Variants in GLUL observed in about 807,000 individuals in gnomAD.
GLUL encodes the protein glutamine synthetase.
Under a neutral mutation model 36.9 loss-of-function variants are expected in GLUL, and 8 were observed. That is an observed-to-expected ratio of 0.22 (90% CI 0.13 to 0.39). The LOEUF is 0.39. Ranked by LOEUF, GLUL falls within the 10% of genes least tolerant of loss-of-function variation. The pLI is 1.00. For missense variants in GLUL, 315 were observed against 501.8 expected (o/e 0.63, Z 3.56); for synonymous variants, 182 against 172.8 (o/e 1.05, Z -0.42).
intron 3 of GLUL, chr1:182,386,643 G>A (rs1650195902): frequency 1.4e-5 from 8 of 569,456 alleles, no homozygotes; most frequent in South Asian, 1.4e-4. Context: ...TTACAACCAA[G>A]TCACATGGGA....
rs939371156 is a variant in GLUL at position 182,381,946 on chromosome 1, G to A, written c.*2459C>T. 1 of 152,196 alleles carries A rather than the reference G, an allele frequency of 6.6e-6. No homozygotes were observed. The highest frequency in any genetic ancestry group is 1.5e-5 in the Non-Finnish European group (1 of 68,044). 9.4% of individuals were successfully genotyped at this position (152,196 alleles called of 1,614,324 possible). Reference sequence around the variant, plus strand: ...GACCACGCCAGCAAGCTAATAGGTAGATGACTCTACTTTGAATATTAAATC... The same window carrying A: ...GACCACGCCAGCAAGCTAATAGGTAAATGACTCTACTTTGAATATTAAATC... On this transcript the variant is annotated 3_prime_UTR_variant, in exon 7 of 7. Transcript: ENST00000331872.
At chr1:182,391,463 C>T in intron 1 of GLUL, 1 of 375,072 alleles carries the variant, frequency 2.7e-6, no homozygotes. Flanking sequence ...AGGGCGCGCC[C>T]CACCAGCGCC....
At chr1:182,384,933 TC>T in intron 6 of GLUL, 1 of 604,418 alleles carries the variant, frequency 1.7e-6, no homozygotes, top group Non-Finnish European at 3.0e-6. Context: ...TGAAACTTTC[TC>T]CCCCTCATAA....
At position 182,387,108 on chromosome 1, in the gene GLUL, T is replaced by C. The variant is rs371858972; in HGVS notation, c.328+23A>G. 5 of 1,584,144 alleles carry C rather than the reference T, an allele frequency of 3.2e-6. No individual in the cohort carries two copies. The East Asian group carries it at 6.7e-5, about 21-fold the overall frequency. On this transcript the variant is annotated intron_variant, in intron 3 of 6. Coordinates refer to ENST00000331872, the MANE Select transcript of GLUL (RefSeq NM_001033044.4). Reference sequence around the variant, plus strand: ...AGCATTCACAGATTGAGGAGGGGTATCCATAGCTGTGCTATAACACACCTG... The same window carrying C: ...AGCATTCACAGATTGAGGAGGGGTACCCATAGCTGTGCTATAACACACCTG...
rs542295039 is a variant in GLUL, at chr1:182,386,335, G to A, written c.396C>T (p.Gly132=). The A allele has an allele frequency of 6.2e-7, 1 of 1,611,992 alleles. No individual in the cohort carries two copies. Among genetic ancestry groups the A allele is most frequent in the Non-Finnish European group, 8.5e-7 (1 of 1,178,018 alleles). ...DMVSNQHPWF[G]MEQEYTLMGT... ...CCATGAGGGTATACTCCTGCTCCAT[G>A]CCAAACCAGGGGTGCTGGTTGCTCA... Residue 132 remains glycine, a synonymous_variant, in exon 4 of 7, where the codon GGC becomes GGT. Transcript: ENST00000331872.
chr1:182,387,994 A>C (rs574047491), intron 2 of GLUL, among the ~76,000 whole-genome samples: 1 of 152,240 alleles, frequency 6.6e-6, no homozygotes, highest in South Asian at 2.1e-4. Flanking sequence ...GCCCCTTTCC[A>C]GAAGAGGGAA....
Position 182,384,321 on chromosome 1 carries a change from A to T in GLUL, c.*84T>A. ...ACCTTGATATTCCACCCTTTGAGTT[A>T]CAATCGGGACAACTGGGAGAGGGGG... On this transcript the variant is annotated 3_prime_UTR_variant, in exon 7 of 7. Coordinates refer to ENST00000331872, the MANE Select transcript of GLUL (RefSeq NM_001033044.4). 2 of 933,692 alleles carry T rather than the reference A, an allele frequency of 2.1e-6. No homozygotes were observed. The highest frequency in any genetic ancestry group is 3.5e-6 in the Non-Finnish European group (2 of 577,118). The allele number at this position is 933,692 out of a possible 1,614,324, so 57.8% of individuals were successfully genotyped here.
intron 1 of GLUL, chr1:182,390,815 GCTTTCTTCGTGGA>G: frequency 2.5e-6 from 1 of 398,944 alleles, no homozygotes; most frequent in Non-Finnish European, 4.4e-6. Context: ...TTCATTCGTT[GCTTTCTTCGTGGA>G]CTTGCGGCTG....
intron 4 of GLUL, 73 bp downstream of exon 4, chr1:182,386,183 C>T (rs1021909337): frequency 7.1e-7 from 1 of 1,409,686 alleles, no homozygotes; most frequent in African/African-American, 1.4e-5. Flanking sequence ...AAGTCATTCC[C>T]ATCCCTGGGA....
chr1:182,386,108 TTTTGGAC>T, intron 4 of GLUL, 141 bp downstream of exon 4: 1 of 918,034 alleles, frequency 1.1e-6, no homozygotes, highest in Non-Finnish European at 1.8e-6. Context: ...TCATATCCAT[TTTTGGAC>T]TTTGGTGATG....
chr1:182,388,868 T>C (rs1650292567), intron 1 of GLUL, 118 bp from the exon 2 acceptor site: 2 of 794,252 alleles, frequency 2.5e-6, no homozygotes, highest in Admixed American at 1.9e-5. Flanking sequence ...ACTCCTTCCC[T>C]TGTGGAAGTC....
chr1:182,380,385 G>A lies in GLUL; in HGVS notation c.*4020C>T, dbSNP rs186103526. On this transcript the variant is annotated 3_prime_UTR_variant, in exon 7 of 7. Coordinates refer to ENST00000331872, the MANE Select transcript of GLUL (RefSeq NM_001033044.4). ...TGCAGTGGTGCAATCACAATTCACT[G>A]CAGCTTCAATTTCCTGGGCTCAAGT... is the stretch of plus-strand genomic sequence containing the variant. 3.3e-5 allele frequency among the ~76,000 whole-genome samples: 5 copies of A among 152,312 alleles called. No homozygotes were observed. Among genetic ancestry groups the A allele is most frequent in the African/African-American group, 1.2e-4 (5 of 41,562 alleles).
chr1:182,378,892 C>T lies in GLUL; in HGVS notation c.*5513G>A, dbSNP rs572843656. ...TCTTGGGCTCAAGCGATTCTCCTGC[C>T]TCAGCCTGCCACTCGGCAGGGTGGG... On this transcript the variant is annotated 3_prime_UTR_variant, in exon 7 of 7. Coordinates refer to ENST00000331872, the MANE Select transcript of GLUL (RefSeq NM_001033044.4). Among the ~76,000 whole-genome samples, 9 of 152,256 alleles carry T rather than the reference C, an allele frequency of 5.9e-5. No individual in the cohort carries two copies. In the South Asian group the frequency reaches 1.2e-3, roughly 21 times the overall value.
intron 2 of GLUL, 103 bp downstream of exon 2, chr1:182,388,469 A>G (rs1650270125): frequency 2.9e-6 from 3 of 1,032,066 alleles, no homozygotes; most frequent in Non-Finnish European, 4.6e-6. Flanking sequence ...AAACCTTTAC[A>G]AACAGAAGAA....
At position 182,382,360 on chromosome 1, in the gene GLUL, G is replaced by GAGCT. The variant is rs1465792021; in HGVS notation, c.*2041_*2044dup. The GAGCT allele has an allele frequency of 6.6e-6, 1 of 152,228 alleles. No individual in the cohort carries two copies. Among genetic ancestry groups the GAGCT allele is most frequent in the Non-Finnish European group, 1.5e-5 (1 of 68,076 alleles). 9.4% of individuals were successfully genotyped at this position (152,228 alleles called of 1,614,324 possible). A position where few individuals can be genotyped will look rare whatever the true frequency, so the allele number is the denominator to read the frequency against. Reference sequence around the variant, plus strand: ...GGGCAAGGGCACAGGTGACAACACAGAGCTTTTGAGAATCACAATCGGTCC... The same window carrying GAGCT: ...GGGCAAGGGCACAGGTGACAACACAGAGCTAGCTTTTGAGAATCACAATCGGTCC... On this transcript the variant is annotated 3_prime_UTR_variant, in exon 7 of 7. Coordinates refer to ENST00000331872, the MANE Select transcript of GLUL (RefSeq NM_001033044.4).
rs1236720074 is a variant in GLUL, at chr1:182,378,912, G to A, written c.*5493C>T. On this transcript the variant is annotated 3_prime_UTR_variant, in exon 7 of 7. Transcript: ENST00000331872. ...CCTGCCTCAGCCTGCCACTCGGCAG[G>A]GTGGGATTACAGGTGCTCACCACCA... Among the ~76,000 whole-genome samples the A allele has an allele frequency of 1.3e-5, 2 of 152,008 alleles. No homozygotes were observed. The highest frequency in any genetic ancestry group is 2.9e-5 in the Non-Finnish European group (2 of 68,012).
Position 182,385,795 on chromosome 1 carries a change from T to A in GLUL, c.568A>T (p.Ile190Phe). 6.2e-7 allele frequency: 1 copy of A among 1,614,142 alleles called. No individual in the cohort carries two copies. The highest frequency in any genetic ancestry group is 1.1e-5 in the South Asian group (1 of 91,088). ...YRACLYAGVK[I>F]AGTNAEVMPA... The stretch of plus-strand genomic sequence containing the variant: ...ATGACCTCGGCATTAGTCCCCGCAA[T>A]CTTGACTCCAGCATACAAGCAGGCC... The change falls in exon 5 of 7, where the codon ATT (isoleucine) becomes TTT (phenylalanine). Residue 190 changes from isoleucine to phenylalanine, a missense_variant. Physicochemically the swap from Ile to Phe is conservative, Grantham distance 21. Coordinates refer to ENST00000331872, the MANE Select transcript of GLUL (RefSeq NM_001033044.4).
chr1:182,378,989 CCAGG>C lies in GLUL; in HGVS notation c.*5412_*5415del, dbSNP rs1649829025. The stretch of plus-strand genomic sequence containing the variant: ...TAGAGATGGGGTTTCACCATGGTGG[CCAGG>C]CTGGTCTCAAACTCCTGACCTTAAG... On this transcript the variant is annotated 3_prime_UTR_variant, in exon 7 of 7. Transcript: ENST00000331872. Among the ~76,000 whole-genome samples the C allele has an allele frequency of 6.6e-6, 1 of 152,090 alleles. No individual in the cohort carries two copies. Among genetic ancestry groups the C allele is most frequent in the East Asian group, 1.9e-4 (1 of 5,184 alleles).
chr1:182,390,623 G>A (rs565248228), intron 1 of GLUL: 32 of 399,420 alleles, frequency 8.0e-5, no homozygotes, highest in African/African-American at 5.1e-4. Flanking sequence ...CTTTCTGGGA[G>A]AGGGCGATGG....
Sources: allele counts gnomAD v4.1 joint callset (sites outside exome capture counted in the v4.1 genomes callset), GRCh38; gene constraint gnomAD v4.1.1; transcripts MANE v1.5; gene names NCBI Gene and HGNC (gene_info 2026-07-23, HGNC 2026-07-21).